MPPED2: variants seen among roughly 807,000 people sequenced by gnomAD.
The protein encoded by MPPED2 is metallophosphoesterase MPPED2.
In MPPED2, 5 loss-of-function variants were observed where a neutral mutation model predicts 33.0. The ratio of observed to expected loss-of-function variants is 0.15; its 90% CI spans 0.08 to 0.32. The LOEUF is 0.32. Ranked by LOEUF, MPPED2 falls within the 10% of genes least tolerant of loss-of-function variation. The probability of loss-of-function intolerance (pLI) is 1.00; values close to 1 mark genes in which losing one functional copy is unlikely to be tolerated. For missense variants in MPPED2, 275 were observed against 372.1 expected, an observed-to-expected ratio of 0.74 and a Z score of 2.15; for synonymous variants, 136 against 141.9, an observed-to-expected ratio of 0.96 and a Z score of 0.29.
intron 4 of MPPED2, among the ~76,000 whole-genome samples, chr11:30,493,370 CAA>C (rs751635120): frequency 2.8e-4 from 20 of 72,152 alleles, no homozygotes; most frequent in Non-Finnish European, 2.1e-4. Flanking sequence ...GACTCCGTCT[CAA>C]AAAAAAAAAA....
At chr11:30,507,014 C>T (rs968653277) in intron 3 of MPPED2, among the ~76,000 whole-genome samples, 15 of 152,210 alleles carry the variant, frequency 9.9e-5, no homozygotes, top group African/African-American at 3.6e-4. Flanking sequence ...GCTAATATTA[C>T]ATTAGACTAA....
intron 4 of MPPED2, among the ~76,000 whole-genome samples, chr11:30,445,885 G>A (rs1477038599): frequency 2.0e-5 from 3 of 152,034 alleles, no homozygotes; most frequent in Non-Finnish European, 2.9e-5. Context: ...CCACCTTTTG[G>A]CTATTGGGAA....
intron 3 of MPPED2, among the ~76,000 whole-genome samples, chr11:30,507,446 T>A (rs962407079): frequency 6.6e-6 from 1 of 152,182 alleles, no homozygotes; most frequent in African/African-American, 2.4e-5. Context: ...TTTAATAATA[T>A]CCACGCTGGA....
chr11:30,518,107 G>A (rs1413917764), intron 3 of MPPED2, among the ~76,000 whole-genome samples: 1 of 152,122 alleles, frequency 6.6e-6, no homozygotes, highest in African/African-American at 2.4e-5. Flanking sequence ...GGTAGATTAT[G>A]AGCCACAGAA....
chr11:30,565,203 T>C lies in MPPED2; in HGVS notation c.128+15043A>G, dbSNP rs1012577973. 2.0e-5 allele frequency among the ~76,000 whole-genome samples: 3 copies of C among 152,160 alleles called. 1 individual carries two copies. The highest frequency in any genetic ancestry group is 4.4e-5 in the Non-Finnish European group (3 of 68,022). On this transcript the variant is annotated intron_variant, in intron 2 of 6. Coordinates refer to ENST00000358117, the MANE Select transcript of MPPED2 (RefSeq NM_001584.3). ...ACCAGATAATTTACACTTGTTTTTA[T>C]GGACGCGAGGAACTGATCTTTGAAG...
At chr11:30,554,961 C>T (rs1955897741) in intron 2 of MPPED2, among the ~76,000 whole-genome samples, 1 of 152,154 alleles carries the variant, frequency 6.6e-6, no homozygotes, top group African/African-American at 2.4e-5. Context: ...AGATAGTCTC[C>T]CAGATTCCAC....
At chr11:30,398,090 A>G (rs1331270066) in intron 6 of MPPED2, among the ~76,000 whole-genome samples, 2 of 152,140 alleles carry the variant, frequency 1.3e-5, no homozygotes, top group Non-Finnish European at 2.9e-5. Flanking sequence ...TAAACATGGT[A>G]CTAATGATTC....
intron 2 of MPPED2, among the ~76,000 whole-genome samples, chr11:30,541,208 C>T (rs1420481305): frequency 6.6e-6 from 1 of 152,228 alleles, no homozygotes; most frequent in Non-Finnish European, 1.5e-5. Context: ...TTACATATCT[C>T]ACTGCATATT....
intron 4 of MPPED2, among the ~76,000 whole-genome samples, chr11:30,486,140 C>G (rs1291030078): frequency 1.3e-5 from 2 of 152,092 alleles, no homozygotes; most frequent in African/African-American, 4.8e-5. Context: ...GTGTGGTTAC[C>G]TAAACTAACT....
chr11:30,431,194 G>A (rs946506715), intron 4 of MPPED2, among the ~76,000 whole-genome samples: 1 of 152,126 alleles, frequency 6.6e-6, no homozygotes, highest in African/African-American at 2.4e-5. Context: ...GGATTATTAC[G>A]ATAAAAAGGC....
intron 4 of MPPED2, among the ~76,000 whole-genome samples, chr11:30,494,737 C>CAAAAAAAAAAAAA (rs767500886): frequency 2.1e-5 from 1 of 47,610 alleles, no homozygotes. Flanking sequence ...TACTCCACCT[C>CAAAAAAAAAAAAA]AAAAAAAAAA....
chr11:30,504,719 C>T (rs1952739142), intron 3 of MPPED2: 2 of 1,235,624 alleles, frequency 1.6e-6, no homozygotes, highest in Non-Finnish European at 2.1e-6. Context: ...CCTGACAGCT[C>T]TAACGTTAAT....
At chr11:30,462,618 C>T (rs767222465) in intron 4 of MPPED2, among the ~76,000 whole-genome samples, 11 of 152,170 alleles carry the variant, frequency 7.2e-5, no homozygotes, top group East Asian at 1.9e-4. Flanking sequence ...GGCCAGCAAT[C>T]TATTTTCCTG....
intron 3 of MPPED2, among the ~76,000 whole-genome samples, chr11:30,522,383 A>AAC (rs1362466768): frequency 0.012 from 1,029 of 87,562 alleles, 13 homozygotes; most frequent in African/African-American, 0.044. Context: ...GCTTCAGGAA[A>AAC]ACATACACAC....
downstream of MPPED2, among the ~76,000 whole-genome samples, chr11:30,405,832 C>A (rs1590163607): frequency 6.6e-6 from 1 of 151,908 alleles, no homozygotes. Flanking sequence ...AGGGTCCTGT[C>A]GATATTAATG....
chr11:30,572,378 G>A (rs1378849143), intron 2 of MPPED2, among the ~76,000 whole-genome samples: 6 of 151,954 alleles, frequency 3.9e-5, no homozygotes, highest in African/African-American at 4.8e-5. Context: ...CAACTGTCAC[G>A]GACCACAAGA....
intron 3 of MPPED2, among the ~76,000 whole-genome samples, chr11:30,507,722 G>C (rs34408919): frequency 5.3e-5 from 8 of 152,230 alleles, no homozygotes; most frequent in African/African-American, 1.9e-4. Context: ...AGACTTCCTG[G>C]GGGGTGTGAA....
chr11:30,550,116 C>G (rs539588448), intron 2 of MPPED2, among the ~76,000 whole-genome samples: 16 of 152,256 alleles, frequency 1.1e-4, no homozygotes, highest in Admixed American at 3.9e-4. Flanking sequence ...AAGCAGTCCT[C>G]GCTGATAGAT....
chr11:30,456,813 C>T (rs895524753), intron 4 of MPPED2, among the ~76,000 whole-genome samples: 1 of 152,138 alleles, frequency 6.6e-6, no homozygotes, highest in Non-Finnish European at 1.5e-5. Flanking sequence ...AGACCCTTTA[C>T]ACTAGCACTG....
Sources: allele counts gnomAD v4.1 joint callset (sites outside exome capture counted in the v4.1 genomes callset), GRCh38; gene constraint gnomAD v4.1.1; transcripts MANE v1.5; gene names NCBI Gene and HGNC (gene_info 2026-07-23, HGNC 2026-07-21).